The following ANKRD44 variants were observed in gnomAD, a reference collection of about 807,000 sequenced individuals.
ANKRD44 encodes ankyrin repeat domain 44, also known as serine/threonine-protein phosphatase 6 regulatory ankyrin repeat subunit B.
In ANKRD44, 35 loss-of-function variants were observed where a neutral mutation model predicts 116.0. The ratio of observed to expected loss-of-function variants is 0.30; its 90% CI spans 0.23 to 0.40. The LOEUF is 0.40. ANKRD44 is among the 10% of genes least tolerant of loss of function. The pLI is 1.00. For synonymous variants in ANKRD44, 435 were observed against 461.8 expected (o/e 0.94, Z 0.74); for missense variants, 1,014 against 1,242.6 (o/e 0.82, Z 2.77).
chr2:197,251,680 A>G (rs1173569280), intron 1 of ANKRD44, among the ~76,000 whole-genome samples: 1 of 151,824 alleles, frequency 6.6e-6, no homozygotes, highest in East Asian at 1.9e-4. Flanking sequence ...ATCTTTCTGG[A>G]TCTTGGTGCT....
intron 1 of ANKRD44, among the ~76,000 whole-genome samples, chr2:197,284,501 CAA>C (rs2083349890): frequency 1.8e-5 from 2 of 109,454 alleles, no homozygotes; most frequent in Non-Finnish European, 3.7e-5. Flanking sequence ...AACAGAGAGT[CAA>C]ACACACACAC....
chr2:197,241,961 T>TA (rs146415312), intron 1 of ANKRD44, among the ~76,000 whole-genome samples: 1 of 152,128 alleles, frequency 6.6e-6, no homozygotes, highest in Admixed American at 6.5e-5. Flanking sequence ...CCAAACCATT[T>TA]AAAAAAATCT....
At position 197,065,980 on chromosome 2, in the gene ANKRD44, C is replaced by T. The variant is rs182621746; in HGVS notation, c.1650+12723G>A. Reference sequence around the variant, plus strand: ...CTGATACCAAAGCCTGGCAGAGACACAACAAAAAAAGAGAATTTTAGACCA... The same window carrying T: ...CTGATACCAAAGCCTGGCAGAGACATAACAAAAAAAGAGAATTTTAGACCA... On this transcript the variant is annotated intron_variant, in intron 16 of 27. Coordinates refer to ENST00000282272, the MANE Select transcript of ANKRD44 (RefSeq NM_001195144.2). Among the ~76,000 whole-genome samples the T allele has an allele frequency of 3.3e-3, 499 of 152,134 alleles. 3 individuals are homozygous for T. The highest frequency in any genetic ancestry group is 0.011 in the African/African-American group (456 of 41,498).
At chr2:197,287,910 C>T (rs1055998369) in intron 1 of ANKRD44, among the ~76,000 whole-genome samples, 1 of 149,376 alleles carries the variant, frequency 6.7e-6, no homozygotes, top group Non-Finnish European at 1.5e-5. Flanking sequence ...GTCCCAGCCA[C>T]TTGGGAGGCT....
intron 2 of ANKRD44, among the ~76,000 whole-genome samples, chr2:197,148,420 T>C (rs1230788839): frequency 1.3e-5 from 2 of 152,240 alleles, no homozygotes; most frequent in Non-Finnish European, 2.9e-5. Context: ...GCTATGTCTT[T>C]AAGGTTTCTC....
intron 1 of ANKRD44, among the ~76,000 whole-genome samples, chr2:197,298,825 G>A (rs1172216228): frequency 1.3e-5 from 2 of 152,086 alleles, no homozygotes; most frequent in Non-Finnish European, 1.5e-5. Flanking sequence ...GCTGAGGTGG[G>A]AGACTCAACT....
chr2:197,048,182 A>G (rs1255854860), intron 16 of ANKRD44, among the ~76,000 whole-genome samples: 1 of 152,038 alleles, frequency 6.6e-6, no homozygotes, highest in African/African-American at 2.4e-5. Flanking sequence ...CCTATTTTTA[A>G]TGTATTCATT....
intron 2 of ANKRD44, among the ~76,000 whole-genome samples, chr2:197,153,246 A>AAAAAAAAAAAAAAAAT (rs2079705647): frequency 9.7e-6 from 1 of 103,582 alleles, no homozygotes; most frequent in Non-Finnish European, 2.3e-5. Flanking sequence ...AAAAAAAAAA[A>AAAAAAAAAAAAAAAAT]AGAAGAAACA....
chr2:197,085,488 G>A (rs1412686473), intron 13 of ANKRD44, among the ~76,000 whole-genome samples: 6 of 152,138 alleles, frequency 3.9e-5, no homozygotes, highest in Non-Finnish European at 8.8e-5. Flanking sequence ...GTCGGCACAA[G>A]ATACCGGTCA....
At chr2:197,088,950 G>T in intron 11 of ANKRD44, 176 bp from the exon 12 acceptor site, 1 of 508,792 alleles carries the variant, frequency 2.0e-6, no homozygotes, top group Non-Finnish European at 3.2e-6. Context: ...CTCAAGCTTG[G>T]CAATTTTATA....
chr2:197,149,098 G>A (rs760302133), intron 2 of ANKRD44, among the ~76,000 whole-genome samples: 4 of 152,028 alleles, frequency 2.6e-5, no homozygotes, highest in Non-Finnish European at 5.9e-5. Flanking sequence ...TTGAATCCTC[G>A]CTATATCTAC....
chr2:197,045,793 A>G (rs2076990995), intron 16 of ANKRD44, among the ~76,000 whole-genome samples: 1 of 152,230 alleles, frequency 6.6e-6, no homozygotes, highest in African/African-American at 2.4e-5. Context: ...TTAACAAGGT[A>G]CCTGACTCTA....
intron 25 of ANKRD44, 84 bp from the exon 26 acceptor site, chr2:196,995,545 G>C (rs2075997736): frequency 9.7e-7 from 1 of 1,028,922 alleles, no homozygotes; most frequent in East Asian, 2.4e-5. Context: ...GATTTAAATT[G>C]AAAATGAATG....
At chr2:197,274,824 G>A (rs1408151358) in intron 1 of ANKRD44, among the ~76,000 whole-genome samples, 1 of 152,132 alleles carries the variant, frequency 6.6e-6, no homozygotes, top group Non-Finnish European at 1.5e-5. Flanking sequence ...CTGGCATGGT[G>A]GCTTACACCT....
intron 15 of ANKRD44, among the ~76,000 whole-genome samples, chr2:197,079,508 G>T (rs1441521243): frequency 6.6e-6 from 1 of 152,162 alleles, no homozygotes; most frequent in Non-Finnish European, 1.5e-5. Flanking sequence ...GAAGGAGCAC[G>T]GCTCCACCTT....
intron 1 of ANKRD44, among the ~76,000 whole-genome samples, chr2:197,222,250 A>G (rs960311272): frequency 6.6e-6 from 1 of 152,150 alleles, no homozygotes; most frequent in Non-Finnish European, 1.5e-5. Context: ...GTGCCTTGTA[A>G]GCAGACTCAA....
At chr2:197,164,513 A>G (rs1001235632) in intron 2 of ANKRD44, among the ~76,000 whole-genome samples, 16 of 151,864 alleles carry the variant, frequency 1.1e-4, no homozygotes, top group African/African-American at 3.4e-4. Flanking sequence ...CCCTTCCCCC[A>G]CCGCAGCGGC....
chr2:196,997,089 G>A (rs2125889064), intron 25 of ANKRD44, among the ~76,000 whole-genome samples: 1 of 151,992 alleles, frequency 6.6e-6, no homozygotes, highest in East Asian at 1.9e-4. Context: ...AAAACTTTTT[G>A]AATATTGACA....
At chr2:197,224,994 A>G (rs2125742302) in intron 1 of ANKRD44, among the ~76,000 whole-genome samples, 1 of 152,326 alleles carries the variant, frequency 6.6e-6, no homozygotes, top group South Asian at 2.1e-4. Flanking sequence ...TCTTGTCTAG[A>G]TTCTTCTGAC....
Sources: allele counts gnomAD v4.1 joint callset (sites outside exome capture counted in the v4.1 genomes callset), GRCh38; gene constraint gnomAD v4.1.1; transcripts MANE v1.5; gene names NCBI Gene and HGNC (gene_info 2026-07-23, HGNC 2026-07-21).